The following GRIK1 variants were observed in gnomAD, a reference collection of about 807,000 sequenced individuals.
The protein encoded by GRIK1 is glutamate ionotropic receptor kainate type subunit 1, also known as glutamate receptor ionotropic, kainate 1.
GRIK1 carries 69 observed loss-of-function variants against 105.7 expected under a neutral mutation model. The ratio of observed to expected loss-of-function variants is 0.65; its 90% CI spans 0.54 to 0.80. GRIK1 has a LOEUF of 0.80. Among genes scored for constraint, GRIK1 ranks in the 30% least tolerant of loss-of-function variants. The pLI is 0.00. For missense variants in GRIK1, 1,109 were observed against 1,167.3 expected (o/e 0.95, Z 0.73); for synonymous variants, 438 against 431.3 (o/e 1.02, Z -0.19).
intron 1 of GRIK1, among the ~76,000 whole-genome samples, chr21:29,822,056 G>C (rs914650435): frequency 4.6e-5 from 7 of 151,994 alleles, no homozygotes; most frequent in Non-Finnish European, 7.4e-5. Flanking sequence ...CTTTTGAGGG[G>C]AGGTAGTTTT....
Position 29,797,899 on chromosome 21 carries a change from A to G in GRIK1, c.119-103836T>C, listed in dbSNP as rs924810621. 5.9e-5 allele frequency among the ~76,000 whole-genome samples: 9 copies of G among 152,186 alleles called. No individual in the cohort carries two copies. In the East Asian group the frequency reaches 1.7e-3, roughly 29 times the overall value. On this transcript the variant is annotated intron_variant, in intron 1 of 17. Transcript: ENST00000327783. ...ATTGCCTCCTCTGAGTAGATACTGC[A>G]TCCTACACTCTTCATGAAATTCAGC...
rs1341807268 is a variant in GRIK1, at chr21:29,734,393, T to C, written c.119-40330A>G. Among the ~76,000 whole-genome samples, 2 of 81,628 alleles carry C rather than the reference T, an allele frequency of 2.5e-5. 1 individual carries two copies. The highest frequency in any genetic ancestry group is 5.8e-5 in the Non-Finnish European group (2 of 34,526). The allele number at this position is 81,628 out of a possible 152,430, so 53.6% of individuals were successfully genotyped here. On this transcript the variant is annotated intron_variant, in intron 1 of 17. Coordinates refer to ENST00000327783, the MANE Select transcript of GRIK1 (RefSeq NM_001330994.2). The stretch of plus-strand genomic sequence containing the variant: ...TTTCTTTTCTTTTCTTTTCTTTTCT[T>C]TTCTTTTCTTTTCTTTTCTTTTCTT...
intron 1 of GRIK1, among the ~76,000 whole-genome samples, chr21:29,936,953 A>T (rs1197810167): frequency 6.6e-6 from 1 of 152,196 alleles, no homozygotes; most frequent in Non-Finnish European, 1.5e-5. Context: ...GCCAGTTAAT[A>T]ATCTAGAGAC....
intron 1 of GRIK1, among the ~76,000 whole-genome samples, chr21:29,871,417 TAAGA>T (rs1443267250): frequency 3.3e-5 from 5 of 152,156 alleles, no homozygotes; most frequent in Admixed American, 2.6e-4. Context: ...AAACTGAGTC[TAAGA>T]GAGATTAAAC....
At chr21:29,579,914 G>A (rs536363967) in intron 13 of GRIK1, among the ~76,000 whole-genome samples, 1 of 150,788 alleles carries the variant, frequency 6.6e-6, no homozygotes, top group African/African-American at 2.4e-5. Context: ...ACCTGCACAG[G>A]CCAGCTGCAT....
intron 14 of GRIK1, among the ~76,000 whole-genome samples, chr21:29,563,427 TA>T (rs1239859775): frequency 6.6e-5 from 10 of 152,172 alleles, no homozygotes; most frequent in African/African-American, 2.4e-4. Flanking sequence ...AACAATTCAA[TA>T]AACAGTACCT....
chr21:29,574,844 C>T (rs1425989108), intron 14 of GRIK1, among the ~76,000 whole-genome samples: 5 of 151,422 alleles, frequency 3.3e-5, no homozygotes, highest in Admixed American at 6.6e-5. Context: ...CCCGCCATCA[C>T]GCCCGGCTAA....
At position 29,727,572 on chromosome 21, in the gene GRIK1, A is replaced by G. The variant is rs573615700; in HGVS notation, c.119-33509T>C. Among the ~76,000 whole-genome samples the G allele has an allele frequency of 6.6e-5, 10 of 152,242 alleles. No homozygotes were observed. In the South Asian group the frequency reaches 1.9e-3, roughly 28 times the overall value. The stretch of plus-strand genomic sequence containing the variant: ...CCTAACTGCATGAGTATGAGGAGAG[A>G]TAGGTTTATAAACGGGAGCAGGCGA... On this transcript the variant is annotated intron_variant, in intron 1 of 17. Coordinates refer to ENST00000327783, the MANE Select transcript of GRIK1 (RefSeq NM_001330994.2).
intron 1 of GRIK1, among the ~76,000 whole-genome samples, chr21:29,918,080 C>T (rs1218313230): frequency 6.6e-6 from 1 of 151,916 alleles, no homozygotes; most frequent in Non-Finnish European, 1.5e-5. Context: ...ATGGTTTAGT[C>T]ACAAACTTGA....
chr21:29,739,558 T>C (rs762111501), intron 1 of GRIK1, among the ~76,000 whole-genome samples: 1 of 152,188 alleles, frequency 6.6e-6, no homozygotes, highest in Non-Finnish European at 1.5e-5. Context: ...CTGACAGTAG[T>C]ATGAAGATTA....
At chr21:29,880,128 C>T (rs948859559) in intron 1 of GRIK1, among the ~76,000 whole-genome samples, 6 of 152,072 alleles carry the variant, frequency 3.9e-5, no homozygotes, top group Non-Finnish European at 8.8e-5. Context: ...ACTAATTCAC[C>T]TCTGATGTAA....
chr21:29,787,871 G>A (rs1048578600), intron 1 of GRIK1, among the ~76,000 whole-genome samples: 1 of 152,158 alleles, frequency 6.6e-6, no homozygotes, highest in Non-Finnish European at 1.5e-5. Context: ...ATTGACAACA[G>A]GGTTTTATGG....
chr21:29,818,995 A>G (rs1249157306), intron 1 of GRIK1, among the ~76,000 whole-genome samples: 1 of 152,046 alleles, frequency 6.6e-6, no homozygotes, highest in Non-Finnish European at 1.5e-5. Context: ...ACTGGCCCTA[A>G]TATCACCTAA....
At chr21:29,707,678 A>G (rs2063951675) in intron 1 of GRIK1, among the ~76,000 whole-genome samples, 1 of 151,820 alleles carries the variant, frequency 6.6e-6, no homozygotes, top group African/African-American at 2.4e-5. Context: ...TATTTTTAGT[A>G]GAGACAGGGT....
chr21:29,890,437 T>G (rs1326388401), intron 1 of GRIK1, among the ~76,000 whole-genome samples: 2 of 152,152 alleles, frequency 1.3e-5, no homozygotes, highest in African/African-American at 4.8e-5. Flanking sequence ...TAAAGCTCAT[T>G]GTGCAGTCTC....
intron 1 of GRIK1, among the ~76,000 whole-genome samples, chr21:29,854,238 A>G (rs967174413): frequency 6.6e-6 from 1 of 152,090 alleles, no homozygotes; most frequent in African/African-American, 2.4e-5. Context: ...CGCTGTTTTA[A>G]ATAACCAGCT....
In GRIK1 at chr21:29,560,519, C is replaced by CTTTCTTTCTTTCTTTCTTT. The variant is rs1568815488; in HGVS notation, c.2356+1104_2356+1105insAAAGAAAGAAAGAAAGAAA. Among the ~76,000 whole-genome samples the CTTTCTTTCTTTCTTTCTTT allele has an allele frequency of 9.7e-4, 56 of 57,800 alleles. 4 individuals are homozygous for CTTTCTTTCTTTCTTTCTTT. The highest frequency in any genetic ancestry group is 0.011 in the Middle Eastern group (1 of 92). 37.9% of individuals were successfully genotyped at this position (57,800 alleles called of 152,430 possible). Reference sequence around the variant, plus strand: ...TCTTTCCTTCCTTCCTTCCTTCCTTCCTTTCTTTCTTTCTTTCTTTCTTTC... The same window carrying CTTTCTTTCTTTCTTTCTTT: ...TCTTTCCTTCCTTCCTTCCTTCCTTCTTTCTTTCTTTCTTTCTTTCTTTCTTTCTTTCTTTCTTTCTTTC... On this transcript the variant is annotated intron_variant, in intron 15 of 17. Transcript: ENST00000327783.
At chr21:29,834,229 G>T (rs1053282902) in intron 1 of GRIK1, among the ~76,000 whole-genome samples, 1 of 150,770 alleles carries the variant, frequency 6.6e-6, no homozygotes, top group African/African-American at 2.4e-5. Context: ...ACCCTCGGTT[G>T]CAAATACATT....
At chr21:29,691,191 G>A (rs906751306) in intron 2 of GRIK1, among the ~76,000 whole-genome samples, 4 of 151,942 alleles carry the variant, frequency 2.6e-5, no homozygotes, top group Admixed American at 6.6e-5. Context: ...TGCACCTGTC[G>A]TCCCAACTAC....
Sources: allele counts gnomAD v4.1 joint callset (sites outside exome capture counted in the v4.1 genomes callset), GRCh38; gene constraint gnomAD v4.1.1; transcripts MANE v1.5; gene names NCBI Gene and HGNC (gene_info 2026-07-23, HGNC 2026-07-21).